CNTNAP2: variants seen among roughly 807,000 people sequenced by gnomAD.
The protein encoded by CNTNAP2 is contactin associated protein 2.
CNTNAP2 carries 98 observed loss-of-function variants against 155.2 expected under a neutral mutation model. The ratio of observed to expected loss-of-function variants is 0.63; its 90% CI spans 0.54 to 0.75. The LOEUF is 0.75. CNTNAP2 is among the 30% of genes least tolerant of loss of function. The pLI, the probability that CNTNAP2 is intolerant of heterozygous loss-of-function variation, is 0.00. For synonymous variants in CNTNAP2, 651 were observed against 631.2 expected (o/e 1.03, Z -0.47); for missense variants, 1,727 against 1,688.1 (o/e 1.02, Z -0.40).
intron 15 of CNTNAP2, among the ~76,000 whole-genome samples, chr7:148,014,981 G>T (rs1802148935): frequency 6.6e-6 from 1 of 152,208 alleles, no homozygotes; most frequent in Non-Finnish European, 1.5e-5. Flanking sequence ...GATGTTAAGA[G>T]AAAGCATTAT....
At chr7:147,223,856 G>A (rs886456918) in intron 8 of CNTNAP2, among the ~76,000 whole-genome samples, 8 of 149,228 alleles carry the variant, frequency 5.4e-5, no homozygotes, top group Admixed American at 2.0e-4. Context: ...CAGAAGAATC[G>A]CTTGAACCCA....
chr7:147,641,826 A>G (rs747841399), intron 13 of CNTNAP2, among the ~76,000 whole-genome samples: 12 of 152,110 alleles, frequency 7.9e-5, no homozygotes, highest in Non-Finnish European at 1.5e-4. Flanking sequence ...AGCCTCCAGA[A>G]CTGTGAGAAA....
chr7:146,333,551 A>C (rs952508469), intron 1 of CNTNAP2, among the ~76,000 whole-genome samples: 1 of 152,184 alleles, frequency 6.6e-6, no homozygotes, highest in East Asian at 1.9e-4. Flanking sequence ...TCCATGGTGC[A>C]TGTTTTTATG....
intron 3 of CNTNAP2, among the ~76,000 whole-genome samples, chr7:147,033,147 C>CATATATATATATATGTATATATATATAT (rs140439948): frequency 3.4e-5 from 3 of 86,976 alleles, no homozygotes; most frequent in African/African-American, 1.4e-4. Flanking sequence ...GATATTGCTG[C>CATATATATATATATGTATATATATATAT]ATATATATAT....
intron 16 of CNTNAP2, among the ~76,000 whole-genome samples, chr7:148,142,681 T>C (rs934268244): frequency 7.9e-5 from 12 of 152,236 alleles, no homozygotes; most frequent in African/African-American, 2.2e-4. Context: ...AAATTTTTTC[T>C]GCTACTTCAA....
intron 14 of CNTNAP2, among the ~76,000 whole-genome samples, chr7:147,916,807 C>A (rs1585027180): frequency 6.6e-6 from 1 of 152,132 alleles, no homozygotes; most frequent in Middle Eastern, 3.4e-3. Context: ...AATTGTGGAC[C>A]TATCTGTTTA....
chr7:147,347,264 G>A (rs553081501), intron 9 of CNTNAP2, among the ~76,000 whole-genome samples: 1 of 151,820 alleles, frequency 6.6e-6, no homozygotes, highest in South Asian at 2.1e-4. Context: ...GTCAATCTTG[G>A]TCAGTGGACT....
chr7:147,090,418 G>C (rs1015692188), intron 4 of CNTNAP2, among the ~76,000 whole-genome samples: 4 of 151,930 alleles, frequency 2.6e-5, no homozygotes, highest in Non-Finnish European at 5.9e-5. Flanking sequence ...AGCAAAAAGA[G>C]AGGGAAATAT....
chr7:147,185,664 G>A (rs545580739), intron 8 of CNTNAP2, among the ~76,000 whole-genome samples: 2 of 152,194 alleles, frequency 1.3e-5, no homozygotes, highest in African/African-American at 2.4e-5. Context: ...AGGAACACTA[G>A]GACACTATTT....
At chr7:146,275,760 G>A (rs1800153955) in intron 1 of CNTNAP2, among the ~76,000 whole-genome samples, 2 of 152,188 alleles carry the variant, frequency 1.3e-5, no homozygotes, top group South Asian at 2.1e-4. Flanking sequence ...TCGATTTAAT[G>A]TGATTCTATG....
intron 1 of CNTNAP2, among the ~76,000 whole-genome samples, chr7:146,431,211 C>T (rs1724508): frequency 0.42 from 64,450 of 151,790 alleles, 16,651 homozygotes; most frequent in African/African-American, 0.73. Context: ...TTAAAAAATA[C>T]AAACTTATAG....
intron 11 of CNTNAP2, among the ~76,000 whole-genome samples, chr7:147,551,107 G>A (rs890284763): frequency 1.3e-5 from 2 of 152,142 alleles, no homozygotes; most frequent in African/African-American, 4.8e-5. Flanking sequence ...CCAGAAATAT[G>A]TAGGCTTTCT....
intron 14 of CNTNAP2, among the ~76,000 whole-genome samples, chr7:147,935,794 C>G (rs1052397416): frequency 7.2e-5 from 11 of 152,104 alleles, no homozygotes; most frequent in Non-Finnish European, 1.5e-4. Flanking sequence ...AACTATACTG[C>G]CTTTATTCAA....
intron 8 of CNTNAP2, among the ~76,000 whole-genome samples, chr7:147,177,080 A>G (rs185427592): frequency 1.3e-5 from 2 of 148,690 alleles, no homozygotes; most frequent in Non-Finnish European, 3.0e-5. Flanking sequence ...CACGTATAAT[A>G]TAATAGAATC....
chr7:146,783,057 C>G (rs900354453), intron 2 of CNTNAP2, among the ~76,000 whole-genome samples: 2 of 152,020 alleles, frequency 1.3e-5, no homozygotes, highest in African/African-American at 4.8e-5. Context: ...TTAAGACTTA[C>G]AGTGACTTAA....
chr7:146,580,460 A>G (rs1316243228), intron 1 of CNTNAP2, among the ~76,000 whole-genome samples: 3 of 89,002 alleles, frequency 3.4e-5, no homozygotes, highest in Non-Finnish European at 6.8e-5. Context: ...CAAATGAGGT[A>G]TTATCCCCAA....
At chr7:148,110,509 T>A in intron 15 of CNTNAP2, among the ~76,000 whole-genome samples, 1 of 151,872 alleles carries the variant, frequency 6.6e-6, no homozygotes. Context: ...ACAGGTGGAC[T>A]GTGACTTCAG....
chr7:147,026,048 C>A (rs1253660340), intron 3 of CNTNAP2, among the ~76,000 whole-genome samples: 1 of 151,954 alleles, frequency 6.6e-6, no homozygotes, highest in Non-Finnish European at 1.5e-5. Context: ...TTAGTAGAGA[C>A]AGGGTTTCAC....
intron 15 of CNTNAP2, among the ~76,000 whole-genome samples, chr7:148,065,519 G>A (rs755463324): frequency 2.0e-5 from 3 of 152,274 alleles, no homozygotes; most frequent in South Asian, 2.1e-4. Context: ...TGTTGGACTA[G>A]TCCTTTTATC....
Sources: gnomAD v4.1 joint callset for allele counts (sites outside exome capture counted in the v4.1 genomes callset) on GRCh38, gnomAD v4.1.1 for gene constraint, MANE v1.5 for transcripts, NCBI Gene and HGNC (gene_info 2026-07-23, HGNC 2026-07-21) for gene names.